Variants in GCNT1 observed in about 807,000 individuals in gnomAD.
GCNT1 encodes the protein glucosaminyl (N-acetyl) transferase 1.
Under a neutral mutation model 26.2 loss-of-function variants are expected in GCNT1, and 16 were observed. The ratio of observed to expected loss-of-function variants is 0.61; its 90% CI spans 0.41 to 0.93. The LOEUF (loss-of-function observed/expected upper bound fraction) is 0.93, where lower values mean the gene tolerates loss of function less well. Ranked by LOEUF, GCNT1 falls within the 40% of genes least tolerant of loss-of-function variation. GCNT1 has a pLI of 0.00. For synonymous variants in GCNT1, 183 were observed against 190.8 expected, an observed-to-expected ratio of 0.96 and a Z score of 0.34; for missense variants, 477 against 526.7, an observed-to-expected ratio of 0.91 and a Z score of 0.92.
At chr9:76,469,486 G>A (rs1029617524) in intron 2 of GCNT1, among the ~76,000 whole-genome samples, 61 of 152,292 alleles carry the variant, frequency 4.0e-4, no homozygotes, top group African/African-American at 1.5e-3. Flanking sequence ...AGCCAGCAAC[G>A]GCTACCCTCT....
chr9:76,428,302 A>AAAG (rs1222053703), intron 1 of GCNT1, among the ~76,000 whole-genome samples: 5 of 149,432 alleles, frequency 3.3e-5, no homozygotes, highest in African/African-American at 7.4e-5. Flanking sequence ...TAAAAAAAAA[A>AAAG]AGAGAGAGAG....
chr9:76,453,816 C>T (rs1021338566), intron 1 of GCNT1, among the ~76,000 whole-genome samples: 1 of 152,142 alleles, frequency 6.6e-6, no homozygotes, highest in African/African-American at 2.4e-5. Flanking sequence ...GAACATGGCA[C>T]CTTTACCTGG....
upstream of GCNT1, among the ~76,000 whole-genome samples, chr9:76,440,908 A>T (rs1398063046): frequency 1.3e-5 from 2 of 151,894 alleles, no homozygotes; most frequent in East Asian, 3.9e-4. Flanking sequence ...TACTAAAAAT[A>T]CAAAAATTAG....
At chr9:76,496,419 C>T (rs1258862937) in intron 2 of GCNT1, among the ~76,000 whole-genome samples, 3 of 152,208 alleles carry the variant, frequency 2.0e-5, no homozygotes, top group Non-Finnish European at 4.4e-5. Context: ...TCTTTCCCGC[C>T]TGTCAGCCTG....
the GCNT1 span, among the ~76,000 whole-genome samples, chr9:76,397,442 G>T: frequency 2.2e-4 from 15 of 69,754 alleles, no homozygotes; most frequent in Non-Finnish European, 3.5e-4. Context: ...ATAGAAGAAA[G>T]AATTTTTTTT....
intron 2 of GCNT1, among the ~76,000 whole-genome samples, chr9:76,496,819 T>C (rs1044576917): frequency 6.6e-6 from 1 of 152,186 alleles, no homozygotes; most frequent in South Asian, 2.1e-4. Flanking sequence ...ACGGTGGAAT[T>C]ATTTCATTTC....
At chr9:76,433,478 G>A (rs139615853) in intron 1 of GCNT1, among the ~76,000 whole-genome samples, 244 of 152,276 alleles carry the variant, frequency 1.6e-3, no homozygotes, top group Non-Finnish European at 2.6e-3. Flanking sequence ...GTCCACCATG[G>A]GAGTCACTTG....
the GCNT1 span, among the ~76,000 whole-genome samples, chr9:76,397,560 C>T: frequency 6.6e-6 from 1 of 151,922 alleles, no homozygotes; most frequent in Non-Finnish European, 1.5e-5. Context: ...TCTCCTGCCT[C>T]AGCCTCCCGA....
At chr9:76,413,663 T>G in the GCNT1 span, among the ~76,000 whole-genome samples, 65 of 104,540 alleles carry the variant, frequency 6.2e-4, 1 homozygote, top group East Asian at 1.8e-3. Flanking sequence ...GTTTTTTTTT[T>G]TTTTGTTTTT....
chr9:76,498,304 A>G (rs1323726594), intron 2 of GCNT1, among the ~76,000 whole-genome samples: 2 of 152,156 alleles, frequency 1.3e-5, no homozygotes, highest in East Asian at 3.8e-4. Context: ...TTTTGCGTGA[A>G]TATATGTTTT....
At chr9:76,443,967 AAGGAAGG>A (rs1823528163) in intron 1 of GCNT1, among the ~76,000 whole-genome samples, 3 of 121,032 alleles carry the variant, frequency 2.5e-5, no homozygotes, top group African/African-American at 8.9e-5. Flanking sequence ...GGAAGGAAGG[AAGGAAGG>A]AAGGAAGGAA....
the GCNT1 span, among the ~76,000 whole-genome samples, chr9:76,405,288 AACAC>A: frequency 0.044 from 6,612 of 149,714 alleles, 461 homozygotes; most frequent in African/African-American, 0.15. Context: ...CCTGACCTTC[AACAC>A]ACACACACAC....
chr9:76,428,289 AC>A (rs1564220581), intron 1 of GCNT1, among the ~76,000 whole-genome samples: 15 of 106,668 alleles, frequency 1.4e-4, no homozygotes, highest in African/African-American at 2.0e-4. Context: ...AAAAAAAAAA[AC>A]TTAAAAAAAA....
intron 1 of GCNT1, among the ~76,000 whole-genome samples, chr9:76,420,944 G>GA (rs35205492): frequency 0.66 from 81,099 of 122,980 alleles, 25,330 homozygotes; most frequent in Middle Eastern, 0.75. Flanking sequence ...ATCTCAAAAG[G>GA]AAAAAAAAAA....
At chr9:76,477,820 GCTA>G (rs1461097057) in intron 2 of GCNT1, among the ~76,000 whole-genome samples, 1 of 152,142 alleles carries the variant, frequency 6.6e-6, no homozygotes, top group Non-Finnish European at 1.5e-5. Flanking sequence ...AAACAACCAT[GCTA>G]CTTTCTGCCT....
Position 76,478,073 on chromosome 9 carries a change from A to G in GCNT1, c.-290+17896A>G, listed in dbSNP as rs145153342. 3.8e-3 allele frequency among the ~76,000 whole-genome samples: 576 copies of G among 152,310 alleles called. 3 individuals carry two copies. Among genetic ancestry groups the G allele is most frequent in the African/African-American group, 0.012 (516 of 41,572 alleles). On this transcript the variant is annotated intron_variant, in intron 2 of 3. Coordinates refer to ENST00000376730, the MANE Select transcript of GCNT1 (RefSeq NM_001490.5). ...GACCAATCAGCACTCTGTAAAATGG[A>G]CCAATCAGTGCTCTGTAAAATGGAC...
upstream of GCNT1, among the ~76,000 whole-genome samples, chr9:76,438,087 T>TA (rs147219526): frequency 8.1e-3 from 1,233 of 152,350 alleles, 16 homozygotes; most frequent in African/African-American, 0.028. Flanking sequence ...TCAAGCAATT[T>TA]AGAGACTTTA....
At chr9:76,443,902 G>GAAAGAAAGAAAGAAAGAAAGA (rs1564225796) in intron 1 of GCNT1, among the ~76,000 whole-genome samples, 2 of 64,562 alleles carry the variant, frequency 3.1e-5, no homozygotes, top group African/African-American at 1.2e-4. Context: ...AGAAAGAAAG[G>GAAAGAAAGAAAGAAAGAAAGA]AAGAAAGGAA....
At chr9:76,416,813 C>G (rs1823137110), upstream of GCNT1, among the ~76,000 whole-genome samples, 1 of 152,342 alleles carries the variant, frequency 6.6e-6, no homozygotes, top group African/African-American at 2.4e-5. Flanking sequence ...CATCCCAGCG[C>G]TTTGAGAGGC....
Sources: allele counts gnomAD v4.1 joint callset (sites outside exome capture counted in the v4.1 genomes callset), GRCh38; gene constraint gnomAD v4.1.1; transcripts MANE v1.5; gene names NCBI Gene and HGNC (gene_info 2026-07-23, HGNC 2026-07-21).